SLC5A1: variants seen among roughly 807,000 people sequenced by gnomAD.
SLC5A1 encodes sodium/glucose cotransporter 1.
Under a neutral mutation model 73.5 loss-of-function variants are expected in SLC5A1, and 42 were observed. The ratio of observed to expected loss-of-function variants is 0.57; its 90% CI spans 0.45 to 0.74. The LOEUF (loss-of-function observed/expected upper bound fraction) is 0.74. SLC5A1 is among the 30% of genes least tolerant of loss of function. The pLI, the probability that SLC5A1 is intolerant of heterozygous loss-of-function variation, is 0.00. For synonymous variants in SLC5A1, 300 were observed against 317.4 expected, an observed-to-expected ratio of 0.95 and a Z score of 0.58; for missense variants, 634 against 855.4, an observed-to-expected ratio of 0.74 and a Z score of 3.23.
intron 11 of SLC5A1, among the ~76,000 whole-genome samples, chr22:32,094,517 T>C (rs1308596575): frequency 1.3e-5 from 2 of 152,208 alleles, no homozygotes; most frequent in African/African-American, 4.8e-5. Context: ...TCAACTTCGC[T>C]GCTTGCTAAT....
At chr22:32,071,959 C>T (rs974393177) in intron 5 of SLC5A1, among the ~76,000 whole-genome samples, 4 of 152,170 alleles carry the variant, frequency 2.6e-5, no homozygotes, top group Middle Eastern at 3.2e-3. Flanking sequence ...CAAGCACTCA[C>T]GGACCTAACA....
intron 5 of SLC5A1, among the ~76,000 whole-genome samples, chr22:32,069,968 TC>T (rs2093980102): frequency 6.6e-6 from 1 of 152,156 alleles, no homozygotes; most frequent in African/African-American, 2.4e-5. Context: ...TCCTGCTTTT[TC>T]TTGGAATCAG....
chr22:32,073,688 C>T (rs1003827079), intron 5 of SLC5A1, among the ~76,000 whole-genome samples: 1 of 152,040 alleles, frequency 6.6e-6, no homozygotes, highest in Non-Finnish European at 1.5e-5. Context: ...TCCTGAGTAG[C>T]TGGGATTACA....
At chr22:32,108,304 T>C (rs983604881) in intron 14 of SLC5A1, among the ~76,000 whole-genome samples, 4 of 152,100 alleles carry the variant, frequency 2.6e-5, no homozygotes, top group Admixed American at 1.3e-4. Context: ...AGCTTCACCA[T>C]GTTAGCCAGG....
intron 14 of SLC5A1, among the ~76,000 whole-genome samples, 185 bp from the exon 15 acceptor site, chr22:32,109,805 G>C (rs143922071): frequency 6.6e-5 from 10 of 152,276 alleles, no homozygotes; most frequent in Non-Finnish European, 1.2e-4. Context: ...CATTAAGTTT[G>C]TTGGAACATT....
At chr22:32,053,998 C>T (rs1309125557) in intron 2 of SLC5A1, among the ~76,000 whole-genome samples, 1 of 152,064 alleles carries the variant, frequency 6.6e-6, no homozygotes, top group Non-Finnish European at 1.5e-5. Context: ...CATGATGAAA[C>T]CCCGTCTCTA....
At position 32,110,710 on chromosome 22, in the gene SLC5A1, C is replaced by G; in HGVS notation, c.*497C>G. 1 of 226,930 alleles carries G rather than the reference C, an allele frequency of 4.4e-6. No homozygotes were observed. The highest frequency in any genetic ancestry group is 8.8e-6 in the Non-Finnish European group (1 of 113,804). 14.1% of individuals were successfully genotyped at this position (226,930 alleles called of 1,614,324 possible). ...GACTTTCCCTCTCAAGTGTGTCAATCAGGTAAACTGAGGAATGCATGGAAG... is the reference window on the plus strand; with the variant it reads ...GACTTTCCCTCTCAAGTGTGTCAATGAGGTAAACTGAGGAATGCATGGAAG... On this transcript the variant is annotated 3_prime_UTR_variant, in exon 15 of 15. Coordinates refer to ENST00000266088, the MANE Select transcript of SLC5A1 (RefSeq NM_000343.4).
At chr22:32,044,702 G>C (rs1386499686) in intron 1 of SLC5A1, among the ~76,000 whole-genome samples, 2 of 152,070 alleles carry the variant, frequency 1.3e-5, no homozygotes, top group South Asian at 2.1e-4. Flanking sequence ...TCAAATCATG[G>C]AACATTGGGT....
intron 3 of SLC5A1, 21 bp from the exon 4 acceptor site, chr22:32,067,946 C>T (rs2093976664): frequency 1.9e-6 from 3 of 1,613,922 alleles, no homozygotes; most frequent in African/African-American, 2.7e-5. Context: ...AATTTGAGTC[C>T]ACCTTTTGTG....
chr22:32,091,834 C>G (rs1031735417), intron 11 of SLC5A1, 72 bp downstream of exon 11: 1 of 1,533,344 alleles, frequency 6.5e-7, no homozygotes. Flanking sequence ...ACCCCTCAAG[C>G]TAGGGAAGGT....
chr22:32,083,238 C>A, intron 7 of SLC5A1, 84 bp downstream of exon 7: 1 of 1,155,086 alleles, frequency 8.7e-7, no homozygotes, highest in Non-Finnish European at 1.3e-6. Flanking sequence ...GCCTCTCTAC[C>A]TGCTTGCCAG....
Position 32,109,109 on chromosome 22 carries a change from G to A in SLC5A1, c.1772-881G>A, listed in dbSNP as rs561285725. ...GGATCATTTGAGCCCAGGAGTTCAC[G>A]GCTGCAGTGAGCTATGATTACCCCA... On this transcript the variant is annotated intron_variant, in intron 14 of 14. Transcript: ENST00000266088. Among the ~76,000 whole-genome samples, 15 of 152,274 alleles carry A rather than the reference G, an allele frequency of 9.9e-5. No individual in the cohort carries two copies. In the South Asian group the frequency reaches 2.1e-3, roughly 21 times the overall value.
chr22:32,045,296 T>G (rs1239919103), intron 1 of SLC5A1, among the ~76,000 whole-genome samples: 1 of 152,236 alleles, frequency 6.6e-6, no homozygotes, highest in East Asian at 1.9e-4. Flanking sequence ...TTATACTTTT[T>G]AAATGGTGTT....
intron 11 of SLC5A1, among the ~76,000 whole-genome samples, chr22:32,094,331 G>T (rs1489077461): frequency 6.6e-6 from 1 of 152,084 alleles, no homozygotes; most frequent in Admixed American, 6.5e-5. Flanking sequence ...CCTGGTTTTG[G>T]TATTAGGGTG....
At chr22:32,072,396 A>T (rs535664342) in intron 5 of SLC5A1, among the ~76,000 whole-genome samples, 2 of 152,270 alleles carry the variant, frequency 1.3e-5, no homozygotes, top group Admixed American at 1.3e-4. Context: ...ATGTAATCTC[A>T]TTCTTTTTTA....
intron 14 of SLC5A1, among the ~76,000 whole-genome samples, 190 bp from the exon 15 acceptor site, chr22:32,109,800 A>C (rs2094052900): frequency 6.6e-6 from 1 of 152,208 alleles, no homozygotes; most frequent in Admixed American, 6.5e-5. Context: ...TTTGTCATTA[A>C]GTTTGTTGGA....
At chr22:32,087,197 A>T (rs559277030) in intron 10 of SLC5A1, among the ~76,000 whole-genome samples, 57 of 152,214 alleles carry the variant, frequency 3.7e-4, no homozygotes, top group Non-Finnish European at 6.5e-4. Context: ...GACTATAGTT[A>T]ATAGCAACGT....
In SLC5A1 at chr22:32,043,829, T is replaced by A. The variant is rs1440960930; in HGVS notation, c.135+413T>A. ...CCAGTTTCAGATGGGAAAGAAATGG[T>A]GTGGAGTGGGAAAGCCACAGCCTCT... is the stretch of plus-strand genomic sequence containing the variant. On this transcript the variant is annotated intron_variant, in intron 1 of 14. Transcript: ENST00000266088. This position sits in a 1 kb window ranked among gnomAD's most constrained non-coding sequence, Gnocchi z 6.5. Among the ~76,000 whole-genome samples, 1 of 152,016 alleles carries A rather than the reference T, an allele frequency of 6.6e-6. No individual in the cohort carries two copies. The highest frequency in any genetic ancestry group is 1.5e-5 in the Non-Finnish European group (1 of 67,980).
chr22:32,091,292 TACACAAAC>T (rs1363183980), intron 10 of SLC5A1, among the ~76,000 whole-genome samples: 3 of 82,870 alleles, frequency 3.6e-5, no homozygotes, highest in African/African-American at 9.8e-5. Context: ...GAAACACACA[TACACAAAC>T]ACACACACAC....
Sources: gnomAD v4.1 joint callset for allele counts (sites outside exome capture counted in the v4.1 genomes callset) on GRCh38, gnomAD v4.1.1 for gene constraint, Gnocchi (gnomAD v3.1) non-coding constraint, MANE v1.5 for transcripts, NCBI Gene and HGNC (gene_info 2026-07-23, HGNC 2026-07-21) for gene names.